Variants in MYT1L observed in about 807,000 individuals in gnomAD.
MYT1L encodes myelin transcription factor 1 like, also known as myelin transcription factor 1-like protein.
Under a neutral mutation model 126.7 loss-of-function variants are expected in MYT1L, and 12 were observed. That is an observed-to-expected ratio of 0.09 (90% CI 0.06 to 0.15). The LOEUF is 0.15. MYT1L is among the 10% of genes least tolerant of loss of function. The pLI is 1.00. For synonymous variants in MYT1L, 541 were observed against 604.2 expected (o/e 0.90, Z 1.53); for missense variants, 979 against 1,585.2 (o/e 0.62, Z 6.49).
rs985484321 is a variant in MYT1L, at chr2:1,789,923, A to G, written c.*1944T>C. ...CTTGTGGAAAACTGTAAGCTTTTGT[A>G]CAGTGAACAGTATAAAGTGCCGCTG... On this transcript the variant is annotated 3_prime_UTR_variant, in exon 25 of 25. Coordinates refer to ENST00000647738, the MANE Select transcript of MYT1L (RefSeq NM_001303052.2). The G allele has an allele frequency of 2.6e-5, 4 of 152,256 alleles. No individual in the cohort carries two copies. Among genetic ancestry groups the G allele is most frequent in the Non-Finnish European group, 5.9e-5 (4 of 68,040 alleles). The allele number at this position is 152,256 out of a possible 1,614,324, so 9.4% of individuals were successfully genotyped here. A position where few individuals can be genotyped will look rare whatever the true frequency, so the allele number is the denominator to read the frequency against.
chr2:2,310,697 C>T (rs892303583), intron 1 of MYT1L, among the ~76,000 whole-genome samples: 3 of 152,158 alleles, frequency 2.0e-5, no homozygotes, highest in African/African-American at 7.2e-5. Flanking sequence ...AATTTTAACA[C>T]CTAACTTATA....
At chr2:2,330,454 C>T (rs2096278128) in intron 1 of MYT1L, among the ~76,000 whole-genome samples, 1 of 152,146 alleles carries the variant, frequency 6.6e-6, no homozygotes, top group Admixed American at 6.5e-5. Context: ...TTATAAATAA[C>T]ATTTTCTTTC....
chr2:2,058,924 T>A (rs2069993751), intron 3 of MYT1L, among the ~76,000 whole-genome samples: 1 of 152,178 alleles, frequency 6.6e-6, no homozygotes, highest in African/African-American at 2.4e-5. Flanking sequence ...CGATTGAGGA[T>A]GATTAAAGAA....
chr2:1,931,419 A>T (rs1253856524), intron 9 of MYT1L, among the ~76,000 whole-genome samples: 1 of 149,256 alleles, frequency 6.7e-6, no homozygotes, highest in East Asian at 2.0e-4. Flanking sequence ...TACTTCCTCC[A>T]TCCTCAGCGA....
chr2:1,944,811 T>C (rs1279388031), intron 8 of MYT1L, among the ~76,000 whole-genome samples: 1 of 152,212 alleles, frequency 6.6e-6, no homozygotes, highest in East Asian at 1.9e-4. Context: ...ACACCTGGCA[T>C]GTCATAGACA....
chr2:1,981,421 G>A (rs942640145), intron 5 of MYT1L, among the ~76,000 whole-genome samples: 1 of 152,194 alleles, frequency 6.6e-6, no homozygotes, highest in African/African-American at 2.4e-5. Flanking sequence ...AATTGTTTGT[G>A]TAGGTGTGAA....
intron 5 of MYT1L, among the ~76,000 whole-genome samples, chr2:1,993,550 T>A (rs1359069679): frequency 6.6e-6 from 1 of 152,254 alleles, no homozygotes; most frequent in Non-Finnish European, 1.5e-5. Context: ...GGCTGCATAG[T>A]ATTCCTCAGA....
intron 13 of MYT1L, among the ~76,000 whole-genome samples, chr2:1,909,399 AAT>A (rs1267800375): frequency 1.3e-5 from 2 of 152,240 alleles, no homozygotes; most frequent in Non-Finnish European, 2.9e-5. Context: ...TGAACAGTAG[AAT>A]ATACGTAGCT....
intron 9 of MYT1L, among the ~76,000 whole-genome samples, chr2:1,934,005 T>G (rs531565673): frequency 7.0e-4 from 102 of 146,268 alleles, no homozygotes; most frequent in South Asian, 5.0e-3. Context: ...GATGGAGTCT[T>G]GCTCTGTCGC....
rs539554850 is a variant in MYT1L, at chr2:1,888,946, T to C, written c.2520+295A>G. 2.4e-4 allele frequency among the ~76,000 whole-genome samples: 37 copies of C among 152,260 alleles called. 1 individual carries two copies. The South Asian group carries it at 6.4e-3, about 26-fold the overall frequency. On this transcript the variant is annotated intron_variant, in intron 16 of 24. Transcript: ENST00000647738. ...TGTTTCAACAGGACACCCAGAAAAA[T>C]GAACTCAGGTGCTATTTATACGTTT...
At chr2:1,839,470 C>T in intron 20 of MYT1L, 100 bp from the exon 21 acceptor site, 1 of 1,047,070 alleles carries the variant, frequency 9.6e-7, no homozygotes, top group East Asian at 2.4e-5. Context: ...AAGAAAAAAA[C>T]AACCATGCCC....
intron 4 of MYT1L, among the ~76,000 whole-genome samples, chr2:2,026,504 G>T (rs1354949244): frequency 6.6e-6 from 1 of 152,174 alleles, no homozygotes; most frequent in Non-Finnish European, 1.5e-5. Flanking sequence ...CTAAACACAC[G>T]CCAACAATAG....
intron 5 of MYT1L, 72 bp downstream of exon 5, chr2:1,997,119 C>G (rs2061946652): frequency 7.0e-6 from 1 of 143,102 alleles, no homozygotes; most frequent in African/African-American, 2.6e-5. Flanking sequence ...AGACGGGCCG[C>G]CTTTACCTAG....
chr2:2,257,296 C>T (rs998758935), intron 2 of MYT1L, among the ~76,000 whole-genome samples: 6 of 152,186 alleles, frequency 3.9e-5, no homozygotes, highest in Non-Finnish European at 4.4e-5. Flanking sequence ...GAACTTGGGG[C>T]TCATATTGGA....
At chr2:2,252,685 C>G (rs770534279) in intron 2 of MYT1L, among the ~76,000 whole-genome samples, 85 of 152,298 alleles carry the variant, frequency 5.6e-4, no homozygotes, top group Non-Finnish European at 9.8e-4. Context: ...CAAAGCTCCC[C>G]TGTCCCCACC....
chr2:2,180,858 C>G (rs921475659), intron 2 of MYT1L, among the ~76,000 whole-genome samples: 2 of 150,010 alleles, frequency 1.3e-5, no homozygotes, highest in African/African-American at 4.9e-5. Flanking sequence ...CTGTGTATGC[C>G]TGTGTGTGCA....
chr2:2,096,981 G>A (rs1316450628), intron 3 of MYT1L, among the ~76,000 whole-genome samples: 1 of 152,084 alleles, frequency 6.6e-6, no homozygotes, highest in Non-Finnish European at 1.5e-5. Flanking sequence ...CGCCAGCGGC[G>A]GCCAGGCTGC....
At chr2:1,808,966 T>G (rs937105605) in intron 22 of MYT1L, 110 bp downstream of exon 22, 89 of 965,876 alleles carry the variant, frequency 9.2e-5, no homozygotes, top group Non-Finnish European at 1.4e-4. Context: ...TCTCTGCCCC[T>G]GCTTTCTAAG....
rs1026661846 is a variant in MYT1L, at chr2:1,892,330, G to GGCACACGGCAGACA, written c.2033-57_2033-44dup. On this transcript the variant is annotated intron_variant, in intron 14 of 24. Coordinates refer to ENST00000647738, the MANE Select transcript of MYT1L (RefSeq NM_001303052.2). ...GGGATGACTCAGGCCCCGGCCGCAG[G>GGCACACGGCAGACA]GCACACGGCAGACAGCACACGGCAG... The GGCACACGGCAGACA allele has an allele frequency of 2.6e-6, 4 of 1,532,606 alleles. No individual in the cohort carries two copies. The African/African-American group carries it at 5.5e-5, about 21-fold the overall frequency. 94.9% of individuals were successfully genotyped at this position (1,532,606 alleles called of 1,614,324 possible).
Sources: allele counts gnomAD v4.1 joint callset (sites outside exome capture counted in the v4.1 genomes callset), GRCh38; gene constraint gnomAD v4.1.1; transcripts MANE v1.5; gene names NCBI Gene and HGNC (gene_info 2026-07-23, HGNC 2026-07-21).